CNTNAP2: variants seen among roughly 807,000 people sequenced by gnomAD.
CNTNAP2 encodes the protein contactin associated protein 2.
A neutral mutation model predicts 155.2 loss-of-function variants in CNTNAP2; 98 were observed. The ratio of observed to expected loss-of-function variants is 0.63; its 90% CI spans 0.54 to 0.75. The LOEUF is 0.75. Among genes scored for constraint, CNTNAP2 ranks in the 30% least tolerant of loss-of-function variants. The probability of loss-of-function intolerance (pLI) is 0.00; values close to 1 mark genes in which losing one functional copy is unlikely to be tolerated. For synonymous variants in CNTNAP2, 651 were observed against 631.2 expected (o/e 1.03, Z -0.47); for missense variants, 1,727 against 1,688.1 (o/e 1.02, Z -0.40).
rs533536318 is a variant in CNTNAP2, at chr7:148,374,597, G to T, written c.3476-9052G>T. On this transcript the variant is annotated intron_variant, in intron 21 of 23. Transcript: ENST00000361727. The stretch of plus-strand genomic sequence containing the variant: ...CTAGAGTTTAACGTGGTTCTCCAAA[G>T]CCAAAAAAACATTTTAGCAGAAGCG... 5.9e-5 allele frequency among the ~76,000 whole-genome samples: 9 copies of T among 152,172 alleles called. No homozygotes were observed. In the East Asian group the frequency reaches 1.7e-3, roughly 29 times the overall value.
chr7:148,361,455 G>T (rs531490660), intron 21 of CNTNAP2, among the ~76,000 whole-genome samples: 2 of 152,276 alleles, frequency 1.3e-5, no homozygotes, highest in South Asian at 4.2e-4. Flanking sequence ...TGAAATCAGG[G>T]TGTCAGTAGG....
At chr7:147,471,442 G>A (rs1026907804) in intron 10 of CNTNAP2, among the ~76,000 whole-genome samples, 8 of 152,160 alleles carry the variant, frequency 5.3e-5, no homozygotes, top group African/African-American at 9.7e-5. Context: ...GGAAAAATCT[G>A]AAATAAGAAC....
intron 10 of CNTNAP2, among the ~76,000 whole-genome samples, chr7:147,406,460 A>G (rs1797007237): frequency 6.6e-6 from 1 of 152,128 alleles, no homozygotes; most frequent in Admixed American, 6.5e-5. Flanking sequence ...TGTCATTTTC[A>G]TTTTGTTTGA....
intron 3 of CNTNAP2, among the ~76,000 whole-genome samples, chr7:146,943,193 T>C (rs1451970751): frequency 6.6e-6 from 1 of 152,230 alleles, no homozygotes; most frequent in Admixed American, 6.5e-5. Flanking sequence ...TTATATACTG[T>C]ATTCTTACTT....
intron 3 of CNTNAP2, among the ~76,000 whole-genome samples, chr7:147,039,907 A>G (rs1799226678): frequency 6.6e-6 from 1 of 152,240 alleles, no homozygotes; most frequent in Admixed American, 6.5e-5. Flanking sequence ...CAAAGATTTC[A>G]TGCCAAAGAC....
chr7:147,886,227 C>A (rs1269262305), intron 13 of CNTNAP2, among the ~76,000 whole-genome samples: 2 of 152,064 alleles, frequency 1.3e-5, no homozygotes, highest in Non-Finnish European at 2.9e-5. Context: ...AATCCTAGCA[C>A]TTTGGGAGGC....
chr7:147,373,127 G>A (rs1315125584), intron 9 of CNTNAP2, among the ~76,000 whole-genome samples: 5 of 152,030 alleles, frequency 3.3e-5, no homozygotes, highest in African/African-American at 1.2e-4. Context: ...ATTAGCATTT[G>A]TAATTTCATG....
chr7:147,815,661 T>C (rs1798252670), intron 13 of CNTNAP2, among the ~76,000 whole-genome samples: 1 of 152,208 alleles, frequency 6.6e-6, no homozygotes. Flanking sequence ...ATGTCCATTT[T>C]GCCACCATGG....
chr7:148,324,640 A>G (rs113175296), intron 21 of CNTNAP2, among the ~76,000 whole-genome samples: 4 of 152,068 alleles, frequency 2.6e-5, no homozygotes, highest in Non-Finnish European at 4.4e-5. Context: ...TCTATTAAAA[A>G]TACAAAAATT....
At chr7:148,054,011 C>G (rs1039199103) in intron 15 of CNTNAP2, among the ~76,000 whole-genome samples, 1 of 143,278 alleles carries the variant, frequency 7.0e-6, no homozygotes, top group African/African-American at 2.6e-5. Flanking sequence ...CTAGCTCTGT[C>G]GCCCAGGCTG....
intron 13 of CNTNAP2, among the ~76,000 whole-genome samples, chr7:147,641,308 A>G (rs1467344957): frequency 2.0e-5 from 3 of 152,236 alleles, no homozygotes; most frequent in African/African-American, 7.2e-5. Flanking sequence ...CTAGAATTAT[A>G]GACAGAGTAC....
chr7:147,172,424 G>T lies in CNTNAP2; in HGVS notation c.1348+39915G>T, dbSNP rs945233199. 2.0e-5 allele frequency among the ~76,000 whole-genome samples: 3 copies of T among 152,146 alleles called. No individual in the cohort carries two copies. In the South Asian group the frequency reaches 6.2e-4, roughly 32 times the overall value. Reference sequence around the variant, plus strand: ...GCATTCTCTTTTCATTTCAAATATTGATTAATATTATTGATTCTAAAACTC... The same window carrying T: ...GCATTCTCTTTTCATTTCAAATATTTATTAATATTATTGATTCTAAAACTC... On this transcript the variant is annotated intron_variant, in intron 8 of 23. Transcript: ENST00000361727.
intron 2 of CNTNAP2, among the ~76,000 whole-genome samples, chr7:146,805,996 A>G (rs1451174961): frequency 6.6e-6 from 1 of 152,146 alleles, no homozygotes; most frequent in Admixed American, 6.6e-5. Context: ...TCGACACAAG[A>G]TAGGTCAATC....
At chr7:146,832,656 T>C (rs1365704404) in intron 2 of CNTNAP2, among the ~76,000 whole-genome samples, 1 of 149,086 alleles carries the variant, frequency 6.7e-6, no homozygotes, top group Non-Finnish European at 1.5e-5. Flanking sequence ...CACTGTATAA[T>C]TTATAAATAT....
intron 9 of CNTNAP2, among the ~76,000 whole-genome samples, chr7:147,394,934 A>T (rs1796787572): frequency 6.6e-6 from 1 of 151,420 alleles, no homozygotes; most frequent in Non-Finnish European, 1.5e-5. Context: ...TTTTATATAT[A>T]CCATATTATG....
intron 15 of CNTNAP2, among the ~76,000 whole-genome samples, chr7:148,067,174 C>T (rs1056043220): frequency 4.6e-5 from 7 of 152,132 alleles, no homozygotes; most frequent in African/African-American, 1.7e-4. Flanking sequence ...GTTAAAGAAA[C>T]TTGCTTTGTC....
At chr7:147,586,745 G>A (rs1800634441) in intron 12 of CNTNAP2, among the ~76,000 whole-genome samples, 1 of 152,134 alleles carries the variant, frequency 6.6e-6, no homozygotes, top group African/African-American at 2.4e-5. Flanking sequence ...TAGTGAGTCA[G>A]GGCTGAAATC....
At chr7:147,689,175 C>T (rs1015194060) in intron 13 of CNTNAP2, among the ~76,000 whole-genome samples, 12 of 144,414 alleles carry the variant, frequency 8.3e-5, no homozygotes, top group South Asian at 2.2e-4. Flanking sequence ...TTTGAGACAG[C>T]GTCTTGCCCT....
chr7:148,199,230 G>A (rs1795328739), intron 18 of CNTNAP2, among the ~76,000 whole-genome samples: 1 of 152,198 alleles, frequency 6.6e-6, no homozygotes, highest in African/African-American at 2.4e-5. Flanking sequence ...GATTTTCCAA[G>A]CTGCTACTCA....
Sources: allele counts gnomAD v4.1 joint callset (sites outside exome capture counted in the v4.1 genomes callset), GRCh38; gene constraint gnomAD v4.1.1; transcripts MANE v1.5; gene names NCBI Gene and HGNC (gene_info 2026-07-23, HGNC 2026-07-21).